The following ROBO2 variants were observed in gnomAD, a reference collection of about 807,000 sequenced individuals.
ROBO2 encodes roundabout guidance receptor 2, also known as roundabout homolog 2.
ROBO2 carries 53 observed loss-of-function variants against 160.8 expected under a neutral mutation model. The observed-to-expected ratio is 0.33, with a 90% CI of 0.26 to 0.41. The LOEUF is 0.41. ROBO2 is among the 10% of genes least tolerant of loss of function. The probability of loss-of-function intolerance (pLI) is 1.00; values close to 1 mark genes in which losing one functional copy is unlikely to be tolerated. For missense variants in ROBO2, 1,577 were observed against 1,722.4 expected, an observed-to-expected ratio of 0.92 and a Z score of 1.49; for synonymous variants, 664 against 611.7, an observed-to-expected ratio of 1.09 and a Z score of -1.26.
chr3:77,172,998 A>C (rs145661801), intron 2 of ROBO2, among the ~76,000 whole-genome samples: 28 of 152,308 alleles, frequency 1.8e-4, no homozygotes, highest in African/African-American at 6.0e-4. Context: ...ATTAATCAGA[A>C]GAATGTTTGC....
At position 77,304,792 on chromosome 3, in the gene ROBO2, A is replaced by G. The variant is rs1011398032; in HGVS notation, c.389-172622A>G. Among the ~76,000 whole-genome samples the G allele has an allele frequency of 2.0e-5, 3 of 152,182 alleles. No individual in the cohort carries two copies. The South Asian group carries it at 6.2e-4, about 31-fold the overall frequency. ...CTGGTTGAATAACAGCATGAGAGAT[A>G]CAGTGTGTGTATCTGTGTATTGTGC... On this transcript the variant is annotated intron_variant, in intron 2 of 25. Transcript: ENST00000461745.
intron 2 of ROBO2, among the ~76,000 whole-genome samples, chr3:76,684,923 C>T (rs969479460): frequency 1.6e-4 from 24 of 151,622 alleles, no homozygotes; most frequent in Non-Finnish European, 2.9e-4. Context: ...ATTAAAAACC[C>T]CAGGCAAAAT....
chr3:76,214,544 C>A (rs1703367425), intron 2 of ROBO2, among the ~76,000 whole-genome samples: 1 of 152,196 alleles, frequency 6.6e-6, no homozygotes, highest in Non-Finnish European at 1.5e-5. Flanking sequence ...GGGTCCTAAG[C>A]CCATGGAGCC....
intron 2 of ROBO2, among the ~76,000 whole-genome samples, chr3:76,483,479 A>G (rs2079320091): frequency 6.6e-6 from 1 of 152,236 alleles, no homozygotes; most frequent in East Asian, 1.9e-4. Flanking sequence ...CCATTATACC[A>G]TCTCCTTACA....
At chr3:75,976,906 C>A (rs1430968715) in intron 2 of ROBO2, among the ~76,000 whole-genome samples, 1 of 151,508 alleles carries the variant, frequency 6.6e-6, no homozygotes, top group Non-Finnish European at 1.5e-5. Flanking sequence ...GACTCATTAT[C>A]TGTATGGTGT....
At chr3:77,069,024 A>G (rs1290575047) in intron 1 of ROBO2, among the ~76,000 whole-genome samples, 1 of 152,168 alleles carries the variant, frequency 6.6e-6, no homozygotes, top group Non-Finnish European at 1.5e-5. Context: ...CAATTGTTTA[A>G]GCACAGTCTA....
chr3:77,410,081 C>T (rs987825666), intron 2 of ROBO2, among the ~76,000 whole-genome samples: 6 of 152,188 alleles, frequency 3.9e-5, no homozygotes, highest in African/African-American at 7.2e-5. Context: ...TACATGCCTC[C>T]TTAGACACTG....
intron 2 of ROBO2, among the ~76,000 whole-genome samples, chr3:77,349,892 G>A (rs1207983658): frequency 6.6e-6 from 1 of 151,862 alleles, no homozygotes; most frequent in African/African-American, 2.4e-5. Context: ...CCTGTCTATA[G>A]AAGAAAAATC....
intron 2 of ROBO2, among the ~76,000 whole-genome samples, chr3:76,057,806 C>T (rs1204236585): frequency 6.6e-6 from 1 of 151,998 alleles, no homozygotes; most frequent in African/African-American, 2.4e-5. Flanking sequence ...AAAATCAGAC[C>T]ATTCCCTGTT....
At chr3:76,305,130 T>C (rs189899829) in intron 2 of ROBO2, among the ~76,000 whole-genome samples, 1 of 152,068 alleles carries the variant, frequency 6.6e-6, no homozygotes, top group African/African-American at 2.4e-5. Flanking sequence ...AGATCATGCC[T>C]TTAATTGAAG....
chr3:75,934,497 AT>A (rs921633610), intron 1 of ROBO2, among the ~76,000 whole-genome samples: 2 of 151,960 alleles, frequency 1.3e-5, no homozygotes, highest in Admixed American at 1.3e-4. Context: ...TTCATGGAAA[AT>A]TTTTTTTAAA....
intron 2 of ROBO2, among the ~76,000 whole-genome samples, chr3:76,711,660 G>T (rs903617154): frequency 6.6e-6 from 1 of 152,140 alleles, no homozygotes. Flanking sequence ...TAAGTCGACC[G>T]TCTAGAATGG....
chr3:75,981,322 C>T (rs2065267447), intron 2 of ROBO2, among the ~76,000 whole-genome samples: 1 of 151,408 alleles, frequency 6.6e-6, no homozygotes, highest in Admixed American at 6.6e-5. Context: ...GTACAAAGGA[C>T]TTATCTATCT....
At chr3:76,321,124 T>C (rs1207148708) in intron 2 of ROBO2, among the ~76,000 whole-genome samples, 1 of 152,170 alleles carries the variant, frequency 6.6e-6, no homozygotes, top group East Asian at 1.9e-4. Flanking sequence ...GCATGACCTG[T>C]AAATTATGCA....
chr3:76,439,097 A>G (rs2076809266), intron 2 of ROBO2, among the ~76,000 whole-genome samples: 1 of 152,160 alleles, frequency 6.6e-6, no homozygotes, highest in Admixed American at 6.6e-5. Flanking sequence ...AGAACAAGTA[A>G]CTAGTGGGAA....
At chr3:77,182,946 C>A (rs988289152) in intron 2 of ROBO2, among the ~76,000 whole-genome samples, 3 of 151,832 alleles carry the variant, frequency 2.0e-5, no homozygotes, top group African/African-American at 7.3e-5. Flanking sequence ...AGGTATTCTC[C>A]CTATCTTAGG....
intron 2 of ROBO2, among the ~76,000 whole-genome samples, chr3:76,189,222 T>C (rs1701898255): frequency 6.6e-6 from 1 of 152,068 alleles, no homozygotes; most frequent in African/African-American, 2.4e-5. Flanking sequence ...ATATGAAGGC[T>C]ATGTTTCTGG....
intron 2 of ROBO2, among the ~76,000 whole-genome samples, chr3:77,216,847 A>C (rs1324166468): frequency 6.6e-6 from 1 of 152,132 alleles, no homozygotes. Flanking sequence ...TTTTTTTCAA[A>C]ATATATATTT....
At chr3:76,952,823 T>G (rs1195272597) in intron 2 of ROBO2, among the ~76,000 whole-genome samples, 3 of 152,212 alleles carry the variant, frequency 2.0e-5, no homozygotes, top group Non-Finnish European at 4.4e-5. Context: ...AACTGAATTT[T>G]CAGATTCTAT....
Sources: allele counts gnomAD v4.1 joint callset (sites outside exome capture counted in the v4.1 genomes callset), GRCh38; gene constraint gnomAD v4.1.1; transcripts MANE v1.5; gene names NCBI Gene and HGNC (gene_info 2026-07-23, HGNC 2026-07-21).